The following PARP10 variants were observed in gnomAD, a reference collection of about 807,000 sequenced individuals.
The protein encoded by PARP10 is poly(ADP-ribose) polymerase family member 10.
A neutral mutation model predicts 82.4 loss-of-function variants in PARP10; 56 were observed. That is an observed-to-expected ratio of 0.68 (90% CI 0.55 to 0.85). PARP10 has a LOEUF of 0.85. Ranked by LOEUF, PARP10 falls within the 40% of genes least tolerant of loss-of-function variation. The pLI is 0.00. For synonymous variants in PARP10, 576 were observed against 601.1 expected, an observed-to-expected ratio of 0.96 and a Z score of 0.61; for missense variants, 1,227 against 1,379.4, an observed-to-expected ratio of 0.89 and a Z score of 1.75.
upstream of PARP10, among the ~76,000 whole-genome samples, chr8:143,995,216 G>C (rs575580292): frequency 1.3e-5 from 2 of 152,294 alleles, no homozygotes; most frequent in African/African-American, 4.8e-5. Context: ...CTCAGGCAGG[G>C]GCCACAGCTG....
At chr8:143,980,898 T>C (rs1554747559) in intron 9 of PARP10, among the ~76,000 whole-genome samples, 1 of 152,196 alleles carries the variant, frequency 6.6e-6, no homozygotes, top group Non-Finnish European at 1.5e-5. Context: ...GGCTTTGTGA[T>C]AGTTACAGAA....
At chr8:143,993,298 G>T, upstream of PARP10, 1 of 199,252 alleles carries the variant, frequency 5.0e-6, no homozygotes, top group South Asian at 9.1e-5. Flanking sequence ...GCGGAGTGGG[G>T]GTCTTATCCC....
At position 143,977,956 on chromosome 8, in the gene PARP10, C is replaced by T. The variant is rs376288904; in HGVS notation, c.2682G>A (p.Val894=). The change falls in exon 10 of 11, where the codon GTG becomes GTA. Residue 894 remains valine (V), a synonymous_variant. Coordinates refer to ENST00000313028, the MANE Select transcript of PARP10 (RefSeq NM_032789.5). The part of the protein sequence containing the change: ...VLYHGTTAPA[V]PDICAHGFNR... ...TGAAGCCGTGGGCGCAGATGTCAGG[C>T]ACTGCCGGTGCCGTCGTGCCGTGGT... is the stretch of plus-strand genomic sequence containing the variant. 6 of 1,600,162 alleles carry T rather than the reference C, an allele frequency of 3.7e-6. No homozygotes were observed. The highest frequency in any genetic ancestry group is 5.1e-6 in the Non-Finnish European group (6 of 1,179,370).
chr8:144,003,239 A>G (rs1167520818), intron 1 of PARP10, among the ~76,000 whole-genome samples: 1 of 152,108 alleles, frequency 6.6e-6, no homozygotes, highest in African/African-American at 2.4e-5. Flanking sequence ...CCTGGCCAAT[A>G]AGGTGAAACC....
chr8:144,002,627 C>G lies in PARP10; in HGVS notation c.-80+9903G>C, dbSNP rs551090219. Among the ~76,000 whole-genome samples the G allele has an allele frequency of 2.0e-5, 3 of 152,186 alleles. No homozygotes were observed. The South Asian group carries it at 6.2e-4, about 32-fold the overall frequency. On this transcript the variant is annotated intron_variant, in intron 1 of 3. Coordinates refer to the PARP10 transcript ENST00000530478. ...CAGAAAAGCTAACAATAGAACCACA[C>G]CCATTTTAAAGATGAAACTGGGTAA... is the stretch of plus-strand genomic sequence containing the variant.
Position 143,984,465 on chromosome 8 carries a change from T to C in PARP10, c.1459-34A>G. On this transcript the variant is annotated intron_variant, in intron 5 of 10. Coordinates refer to ENST00000313028, the MANE Select transcript of PARP10 (RefSeq NM_032789.5). ...CCATTGCAGAGATGGAGTTTGCAGG[T>C]TTAGAGCACAGGAAAGGTACTTTGA... 4 of 1,596,264 alleles carry C rather than the reference T, an allele frequency of 2.5e-6. No homozygotes were observed. In the East Asian group the frequency reaches 9.0e-5, roughly 36 times the overall value.
chr8:144,000,529 C>T (rs1177549991), intron 1 of PARP10, among the ~76,000 whole-genome samples: 1 of 152,142 alleles, frequency 6.6e-6, no homozygotes, highest in African/African-American at 2.4e-5. Context: ...TTTACCAATG[C>T]TAATAAACTA....
chr8:144,005,070 T>C (rs561000445), intron 1 of PARP10, among the ~76,000 whole-genome samples: 3 of 150,926 alleles, frequency 2.0e-5, no homozygotes, highest in African/African-American at 7.3e-5. Flanking sequence ...TCCCAGCTAC[T>C]CAGGAGGGTG....
At chr8:144,007,111 C>T (rs782521958) in intron 1 of PARP10, among the ~76,000 whole-genome samples, 6 of 152,252 alleles carry the variant, frequency 3.9e-5, no homozygotes, top group Non-Finnish European at 7.3e-5. Context: ...TAGCAAGGCT[C>T]CAAAGCCCGA....
chr8:143,983,148 G>A lies in PARP10; in HGVS notation c.2422+19C>T, dbSNP rs1299551518. ...AACCAGCCCACCCCACCGTCCCTCA[G>A]TCCAGGAGGTAGACTCACAGGTAGG... On this transcript the variant is annotated intron_variant, in intron 8 of 10. Coordinates refer to ENST00000313028, the MANE Select transcript of PARP10 (RefSeq NM_032789.5). The A allele has an allele frequency of 6.2e-6, 10 of 1,612,562 alleles. No homozygotes were observed. The African/African-American group carries it at 1.3e-4, about 22-fold the overall frequency.
At chr8:144,004,130 T>TAATG (rs1834220001) in intron 1 of PARP10, among the ~76,000 whole-genome samples, 3 of 151,610 alleles carry the variant, frequency 2.0e-5, no homozygotes, top group African/African-American at 7.3e-5. Flanking sequence ...CTGAGCAATA[T>TAATG]AATGAGACCC....
Position 143,984,602 on chromosome 8 carries a change from G to C in PARP10, c.1400C>G (p.Ala467Gly). The change falls in exon 5 of 11, where the codon GCG (alanine) becomes GGG (glycine). Residue 467 changes from alanine (A) to glycine (G), a missense_variant. By Grantham distance (60) the Ala-to-Gly change is moderately conservative. Transcript: ENST00000313028. ...FLQLYHEDLL[A>G]GLGDVALLPL... is the part of the protein sequence containing the mutation. ...CAAGAGAGCGACGTCTCCCAGGCCC[G>C]CAAGAAGGTCCTCATGGTAGAGCTG... 1 of 1,613,830 alleles carries C rather than the reference G, an allele frequency of 6.2e-7. No homozygotes were observed. The highest frequency in any genetic ancestry group is 1.3e-5 in the African/African-American group (1 of 75,000).
chr8:143,992,978 C>T (rs1024062551), upstream of PARP10: 43 of 707,736 alleles, frequency 6.1e-5, no homozygotes, highest in Middle Eastern at 5.3e-4. Flanking sequence ...TCTCTCCAAC[C>T]CTCCTGTATG....
intron 1 of PARP10, among the ~76,000 whole-genome samples, chr8:144,007,572 C>T (rs1425181199): frequency 6.6e-6 from 1 of 152,194 alleles, no homozygotes; most frequent in Non-Finnish European, 1.5e-5. Context: ...CTGTGCTGAG[C>T]TCTGGGATGC....
chr8:144,008,204 G>A lies in PARP10; in HGVS notation c.-80+4326C>T, dbSNP rs1304275133. ...GTGGCGGATAGCTGCTTCCCAGGAG[G>A]TGCCTCTCAGCGCACCCAGCATGGA... On this transcript the variant is annotated intron_variant, in intron 1 of 3. Coordinates refer to the PARP10 transcript ENST00000530478. The surrounding 1 kb of genome is among the most constrained non-coding windows in gnomAD (Gnocchi z 4.0). Among the ~76,000 whole-genome samples, 3 of 152,194 alleles carry A rather than the reference G, an allele frequency of 2.0e-5. No individual in the cohort carries two copies. Among genetic ancestry groups the A allele is most frequent in the African/African-American group, 7.2e-5 (3 of 41,452 alleles).
upstream of PARP10, chr8:143,991,538 C>T (rs782786023): frequency 5.5e-5 from 84 of 1,540,772 alleles, no homozygotes; most frequent in Non-Finnish European, 6.7e-5. Flanking sequence ...GGCCATATCC[C>T]CAGAGCCCCT....
intron 1 of PARP10, among the ~76,000 whole-genome samples, chr8:144,007,388 C>A (rs782351083): frequency 1.8e-4 from 27 of 152,202 alleles, no homozygotes; most frequent in Non-Finnish European, 3.2e-4. Context: ...TTGGTTTCCT[C>A]AGAAACCAGG....
chr8:144,000,330 A>G (rs1411760335), intron 1 of PARP10, among the ~76,000 whole-genome samples: 1 of 152,170 alleles, frequency 6.6e-6, no homozygotes, highest in Non-Finnish European at 1.5e-5. Context: ...ACACAGGGAA[A>G]ATGCCATGTG....
At chr8:143,988,154 T>A (rs1177152928), upstream of PARP10, among the ~76,000 whole-genome samples, 3 of 139,842 alleles carry the variant, frequency 2.1e-5, no homozygotes, top group Admixed American at 7.1e-5. Context: ...TCTGCCTTTT[T>A]TTTTTTTTTT....
Sources: allele counts gnomAD v4.1 joint callset (sites outside exome capture counted in the v4.1 genomes callset), GRCh38; gene constraint gnomAD v4.1.1; non-coding constraint Gnocchi (gnomAD v3.1); transcripts MANE v1.5; gene names NCBI Gene and HGNC (gene_info 2026-07-23, HGNC 2026-07-21).